The following LAMA2 variants were observed in gnomAD, a reference collection of about 807,000 sequenced individuals.
LAMA2 encodes the protein laminin subunit alpha 2.
Under a neutral mutation model 364.8 loss-of-function variants are expected in LAMA2, and 269 were observed. The ratio of observed to expected loss-of-function variants is 0.74; its 90% CI spans 0.67 to 0.82. The LOEUF (loss-of-function observed/expected upper bound fraction) is 0.82. Among genes scored for constraint, LAMA2 ranks in the 40% least tolerant of loss-of-function variants. LAMA2 has a pLI of 0.00. For missense variants in LAMA2, 3,807 were observed against 3,873.2 expected (o/e 0.98, Z 0.45); for synonymous variants, 1,379 against 1,370.6 (o/e 1.01, Z -0.14).
rs1380997247 is a variant in LAMA2, at chr6:129,516,528, A to G, written c.*181A>G. 1 of 567,692 alleles carries G rather than the reference A, an allele frequency of 1.8e-6. No homozygotes were observed. Among genetic ancestry groups the G allele is most frequent in the East Asian group, 3.0e-5 (1 of 33,408 alleles). 35.2% of individuals were successfully genotyped at this position (567,692 alleles called of 1,614,324 possible). On this transcript the variant is annotated 3_prime_UTR_variant, in exon 65 of 65. Transcript: ENST00000421865. ...GAATTTTAATTCAAGTTCTTTCTCA[A>G]GTCTATAAATAATATTAAACTGATT...
intron 17 of LAMA2, among the ~76,000 whole-genome samples, chr6:129,273,217 C>T (rs940242116): frequency 6.6e-6 from 1 of 152,158 alleles, no homozygotes; most frequent in African/African-American, 2.4e-5. Flanking sequence ...GGTATATATG[C>T]GAAGGGTTAG....
chr6:128,973,931 G>A (rs1782360820), intron 1 of LAMA2, among the ~76,000 whole-genome samples: 1 of 152,144 alleles, frequency 6.6e-6, no homozygotes, highest in Non-Finnish European at 1.5e-5. Flanking sequence ...CCATCCATAA[G>A]GGACCCTGGG....
intron 1 of LAMA2, among the ~76,000 whole-genome samples, chr6:128,934,226 A>T (rs1004798492): frequency 5.9e-5 from 9 of 152,188 alleles, no homozygotes; most frequent in African/African-American, 1.7e-4. Context: ...TTAATGGCCT[A>T]GTCAAAGATT....
intron 32 of LAMA2, among the ~76,000 whole-genome samples, chr6:129,361,751 G>A (rs893147186): frequency 2.7e-5 from 4 of 150,926 alleles, no homozygotes; most frequent in Non-Finnish European, 4.4e-5. Flanking sequence ...ACATCTTAAT[G>A]TGAGGTGTGG....
chr6:129,196,077 T>C (rs566340534), intron 12 of LAMA2, among the ~76,000 whole-genome samples: 34 of 152,306 alleles, frequency 2.2e-4, no homozygotes, highest in Middle Eastern at 3.4e-3. Context: ...TGTGATTTGT[T>C]CTTTACCAAA....
At chr6:129,132,028 G>A (rs552565647) in intron 4 of LAMA2, among the ~76,000 whole-genome samples, 12 of 152,166 alleles carry the variant, frequency 7.9e-5, no homozygotes, top group South Asian at 2.1e-4. Context: ...TACAACCTTC[G>A]TGTTGGTCCT....
At chr6:129,116,614 G>T (rs1196113195) in intron 4 of LAMA2, among the ~76,000 whole-genome samples, 3 of 152,010 alleles carry the variant, frequency 2.0e-5, no homozygotes, top group African/African-American at 2.4e-5. Context: ...AAAGATTCAT[G>T]TTATAGTCAC....
At chr6:129,222,883 G>T (rs1783963943) in intron 12 of LAMA2, among the ~76,000 whole-genome samples, 1 of 152,116 alleles carries the variant, frequency 6.6e-6, no homozygotes, top group South Asian at 2.1e-4. Flanking sequence ...GGGTCAAATG[G>T]TATTTCTAGT....
At chr6:128,929,651 G>T in intron 1 of LAMA2, 1 of 1,420,620 alleles carries the variant, frequency 7.0e-7, no homozygotes, top group Non-Finnish European at 9.9e-7. Flanking sequence ...TAGTGATGCG[G>T]TCTCGGTTTG....
At chr6:129,488,699 A>G (rs1784717085) in intron 56 of LAMA2, among the ~76,000 whole-genome samples, 1 of 152,234 alleles carries the variant, frequency 6.6e-6, no homozygotes, top group Non-Finnish European at 1.5e-5. Context: ...TCTGTGCCAA[A>G]ACAGTAATAC....
chr6:129,251,856 A>C (rs1401276763), intron 13 of LAMA2, among the ~76,000 whole-genome samples: 1 of 151,856 alleles, frequency 6.6e-6, no homozygotes, highest in Non-Finnish European at 1.5e-5. Context: ...AATCGCTTGA[A>C]CCTGGGAGGC....
intron 34 of LAMA2, among the ~76,000 whole-genome samples, chr6:129,373,650 G>A (rs9492313): frequency 0.021 from 3,248 of 152,140 alleles, 118 homozygotes; most frequent in African/African-American, 0.075. Context: ...AGACTGTGAC[G>A]ACACTGTCAA....
At chr6:129,269,504 CT>C in intron 16 of LAMA2, among the ~76,000 whole-genome samples, 1 of 151,424 alleles carries the variant, frequency 6.6e-6, no homozygotes, top group African/African-American at 2.4e-5. Flanking sequence ...TGTTATTTGT[CT>C]TTTAAATCAA....
intron 3 of LAMA2, among the ~76,000 whole-genome samples, chr6:129,090,977 A>G (rs1774785208): frequency 6.6e-6 from 1 of 152,168 alleles, no homozygotes; most frequent in Non-Finnish European, 1.5e-5. Context: ...TCATTTAACA[A>G]TAAATCCCGC....
chr6:129,194,990 A>T (rs905352731), intron 12 of LAMA2, among the ~76,000 whole-genome samples: 2 of 152,230 alleles, frequency 1.3e-5, no homozygotes, highest in Admixed American at 1.3e-4. Flanking sequence ...AACCATTGCC[A>T]GAATCTGACA....
chr6:129,078,363 G>A (rs533226517), intron 3 of LAMA2, among the ~76,000 whole-genome samples: 5 of 152,100 alleles, frequency 3.3e-5, no homozygotes, highest in Admixed American at 1.3e-4. Flanking sequence ...TTGAACTCCT[G>A]ACCTTAAGTG....
chr6:129,425,528 G>A lies in LAMA2; in HGVS notation c.5866-2224G>A, dbSNP rs571391060. 5.9e-5 allele frequency among the ~76,000 whole-genome samples: 9 copies of A among 151,796 alleles called. No homozygotes were observed. The South Asian group carries it at 1.2e-3, about 21-fold the overall frequency. On this transcript the variant is annotated intron_variant, in intron 40 of 64. Coordinates refer to ENST00000421865, the MANE Select transcript of LAMA2 (RefSeq NM_000426.4). ...AGGTTTGTTGTATAGATTTCATCAC[G>A]CAGGAACTAAGTCTACTACCCAATA...
Position 128,896,722 on chromosome 6 carries a change from A to G in LAMA2, c.112+13365A>G, listed in dbSNP as rs554731103. Among the ~76,000 whole-genome samples, 109 of 152,322 alleles carry G rather than the reference A, an allele frequency of 7.2e-4. 1 individual carries two copies. Among genetic ancestry groups the G allele is most frequent in the African/African-American group, 2.5e-3 (103 of 41,578 alleles). ...ATTTTTTAGAAAACATCATTCACCC[A>G]GAATCTGAAATTTTATCTTTATTTA... On this transcript the variant is annotated intron_variant, in intron 1 of 64. Transcript: ENST00000421865.
At chr6:129,438,783 C>A (rs963152489) in intron 42 of LAMA2, 21 bp downstream of exon 42, 1 of 1,185,838 alleles carries the variant, frequency 8.4e-7, no homozygotes, top group Non-Finnish European at 1.3e-6. Context: ...AGGACACTAC[C>A]AACTGTGTCA....
Sources: allele counts gnomAD v4.1 joint callset (sites outside exome capture counted in the v4.1 genomes callset), GRCh38; gene constraint gnomAD v4.1.1; transcripts MANE v1.5; gene names NCBI Gene and HGNC (gene_info 2026-07-23, HGNC 2026-07-21).